Variants in TMEM74 observed in about 807,000 individuals in gnomAD.
TMEM74 encodes the protein transmembrane protein 74.
Under a neutral mutation model 18.1 loss-of-function variants are expected in TMEM74, and 13 were observed. That is an observed-to-expected ratio of 0.72 (90% confidence interval 0.47 to 1.14). The LOEUF (loss-of-function observed/expected upper bound fraction) is 1.14, where lower values mean the gene tolerates loss of function less well. Among genes scored for constraint, TMEM74 ranks in the 50% most tolerant of loss-of-function variants. The pLI, the probability that TMEM74 is intolerant of heterozygous loss-of-function variation, is 0.00. For missense variants in TMEM74, 372 were observed against 375.9 expected, an observed-to-expected ratio of 0.99 and a Z score of 0.09; for synonymous variants, 159 against 146.6, an observed-to-expected ratio of 1.08 and a Z score of -0.61.
chr8:108,681,962 C>G (rs1813119510), intron 1 of TMEM74, among the ~76,000 whole-genome samples: 1 of 152,136 alleles, frequency 6.6e-6, no homozygotes, highest in South Asian at 2.1e-4. Flanking sequence ...TGATATATGT[C>G]AATACTTTTT....
intron 1 of TMEM74, among the ~76,000 whole-genome samples, chr8:108,726,682 C>A (rs988607293): frequency 6.6e-6 from 1 of 151,190 alleles, no homozygotes; most frequent in African/African-American, 2.4e-5. Flanking sequence ...ATTCATTCAA[C>A]AACTATTCAT....
At chr8:108,714,059 C>T (rs1291257364) in intron 1 of TMEM74, among the ~76,000 whole-genome samples, 1 of 152,170 alleles carries the variant, frequency 6.6e-6, no homozygotes. Context: ...AGCAGATTAA[C>T]GACACCTTCC....
chr8:108,631,396 T>C (rs1327443441), intron 2 of TMEM74, among the ~76,000 whole-genome samples: 1 of 151,980 alleles, frequency 6.6e-6, no homozygotes, highest in African/African-American at 2.4e-5. Flanking sequence ...TTGTAGAACT[T>C]TACCCTCCTT....
chr8:108,673,912 G>T (rs901745084), intron 1 of TMEM74, among the ~76,000 whole-genome samples: 6 of 152,144 alleles, frequency 3.9e-5, no homozygotes, highest in African/African-American at 1.4e-4. Flanking sequence ...TTAAGTTTGG[G>T]TATGGCAAAT....
intron 2 of TMEM74, among the ~76,000 whole-genome samples, chr8:108,614,516 C>T (rs1812364962): frequency 6.6e-6 from 1 of 152,066 alleles, no homozygotes; most frequent in Non-Finnish European, 1.5e-5. Context: ...GAAAGAATGA[C>T]CTAGAATATT....
chr8:108,725,092 G>A (rs948987677), intron 1 of TMEM74, among the ~76,000 whole-genome samples: 2 of 152,028 alleles, frequency 1.3e-5, no homozygotes, highest in African/African-American at 4.8e-5. Context: ...GGCCCACTTC[G>A]AGCCATCTCC....
intron 1 of TMEM74, among the ~76,000 whole-genome samples, chr8:108,664,303 A>G (rs1812928938): frequency 6.6e-6 from 1 of 152,008 alleles, no homozygotes; most frequent in Admixed American, 6.6e-5. Flanking sequence ...GATTTCTTTG[A>G]GCAGTGTTTT....
intron 1 of TMEM74, among the ~76,000 whole-genome samples, chr8:108,732,198 A>G (rs566174720): frequency 1.3e-5 from 2 of 152,370 alleles, no homozygotes; most frequent in African/African-American, 4.8e-5. Context: ...AAAGATACAC[A>G]GTATTGCTTT....
At chr8:108,613,517 G>T (rs1217161311) in intron 2 of TMEM74, among the ~76,000 whole-genome samples, 1 of 152,230 alleles carries the variant, frequency 6.6e-6, no homozygotes, top group Non-Finnish European at 1.5e-5. Context: ...TGGGTATTTT[G>T]TGAATCAGAT....
chr8:108,772,373 AC>A (rs1281738948), intron 1 of TMEM74, among the ~76,000 whole-genome samples: 1 of 152,104 alleles, frequency 6.6e-6, no homozygotes, highest in Non-Finnish European at 1.5e-5. Context: ...GTCAGGAAAA[AC>A]CAACAAGTGA....
chr8:108,735,264 A>G (rs759099888), intron 1 of TMEM74, among the ~76,000 whole-genome samples: 1 of 152,338 alleles, frequency 6.6e-6, no homozygotes, highest in East Asian at 1.9e-4. Flanking sequence ...GGATTTTAAT[A>G]TATTCTCAGA....
chr8:108,666,200 A>G (rs965299752), intron 1 of TMEM74, among the ~76,000 whole-genome samples: 1 of 152,164 alleles, frequency 6.6e-6, no homozygotes, highest in African/African-American at 2.4e-5. Context: ...TCTTCCAAAA[A>G]GCCACCACCT....
intron 1 of TMEM74, among the ~76,000 whole-genome samples, chr8:108,738,730 T>A (rs1406436304): frequency 2.0e-5 from 3 of 152,122 alleles, no homozygotes; most frequent in Non-Finnish European, 4.4e-5. Flanking sequence ...AAAAATAAAA[T>A]CAAAATAATA....
downstream of TMEM74, among the ~76,000 whole-genome samples, chr8:108,777,410 G>A (rs1354003485): frequency 6.6e-6 from 1 of 152,168 alleles, no homozygotes; most frequent in Non-Finnish European, 1.5e-5. Context: ...AAGGAAAAGT[G>A]TCAGCATAAG....
chr8:108,777,628 T>A (rs1045529403), downstream of TMEM74, among the ~76,000 whole-genome samples: 2 of 152,202 alleles, frequency 1.3e-5, no homozygotes, highest in African/African-American at 2.4e-5. Flanking sequence ...CAGTATAAAT[T>A]GATGTTTTTA....
At chr8:108,710,436 C>T (rs984436022) in intron 1 of TMEM74, among the ~76,000 whole-genome samples, 4 of 152,166 alleles carry the variant, frequency 2.6e-5, no homozygotes, top group African/African-American at 4.8e-5. Flanking sequence ...TATCTTTAAA[C>T]CCATTTTCTT....
intron 1 of TMEM74, among the ~76,000 whole-genome samples, chr8:108,718,437 T>C (rs1336463637): frequency 6.6e-6 from 1 of 152,158 alleles, no homozygotes; most frequent in East Asian, 1.9e-4. Flanking sequence ...CAGTGGTACA[T>C]GAATGAAAAT....
chr8:108,685,154 T>C (rs1022404307), intron 1 of TMEM74, among the ~76,000 whole-genome samples: 2 of 152,142 alleles, frequency 1.3e-5, no homozygotes, highest in African/African-American at 4.8e-5. Context: ...TTCACTTCCT[T>C]GATTAAACTT....
intron 2 of TMEM74, among the ~76,000 whole-genome samples, chr8:108,614,606 T>A (rs931801995): frequency 6.6e-6 from 1 of 152,192 alleles, no homozygotes; most frequent in African/African-American, 2.4e-5. Flanking sequence ...CCATCTGCAA[T>A]GTTTTAGTAG....
Sources: allele counts gnomAD v4.1 joint callset (sites outside exome capture counted in the v4.1 genomes callset), GRCh38; gene constraint gnomAD v4.1.1; transcripts MANE v1.5; gene names NCBI Gene and HGNC (gene_info 2026-07-23, HGNC 2026-07-21).